Variants in NPAT observed in about 807,000 individuals in gnomAD.
The protein encoded by NPAT is protein NPAT.
NPAT carries 52 observed loss-of-function variants against 130.7 expected under a neutral mutation model. That is an observed-to-expected ratio of 0.40 (90% confidence interval 0.32 to 0.50). NPAT has a LOEUF of 0.50. Among genes scored for constraint, NPAT ranks in the 20% least tolerant of loss-of-function variants. The pLI is 0.68. For missense variants in NPAT, 1,687 were observed against 1,662.6 expected, an observed-to-expected ratio of 1.01 and a Z score of -0.26; for synonymous variants, 580 against 584.8, an observed-to-expected ratio of 0.99 and a Z score of 0.12.
intron 15 of NPAT, among the ~76,000 whole-genome samples, chr11:108,166,262 T>G (rs2077901925): frequency 6.6e-6 from 1 of 152,148 alleles, no homozygotes; most frequent in East Asian, 1.9e-4. Context: ...TGTTGTGGCA[T>G]GCACCTGTAA....
chr11:108,206,714 T>G (rs1591415011), intron 1 of NPAT, among the ~76,000 whole-genome samples: 1 of 152,210 alleles, frequency 6.6e-6, no homozygotes, highest in Non-Finnish European at 1.5e-5. Flanking sequence ...AGCCCTGTTT[T>G]ACAGATCTTT....
At chr11:108,213,187 C>T (rs994086708) in intron 1 of NPAT, among the ~76,000 whole-genome samples, 6 of 151,862 alleles carry the variant, frequency 4.0e-5, no homozygotes, top group East Asian at 3.9e-4. Context: ...GCAGGAGAAT[C>T]GCTTGAACCC....
At chr11:108,221,324 C>T (rs985458931) in intron 1 of NPAT, among the ~76,000 whole-genome samples, 1 of 152,176 alleles carries the variant, frequency 6.6e-6, no homozygotes, top group Non-Finnish European at 1.5e-5. Context: ...GTTAACAGTA[C>T]TGAGGCTGAG....
At chr11:108,187,839 G>A (rs1443340073) in intron 7 of NPAT, among the ~76,000 whole-genome samples, 5 of 152,030 alleles carry the variant, frequency 3.3e-5, no homozygotes, top group African/African-American at 1.2e-4. Context: ...TCATTTGTAA[G>A]ATATACCATT....
In NPAT at chr11:108,176,355, TTTA is replaced by T. The variant is rs752851665; in HGVS notation, c.1020_1022del (p.Asn340del). ...GACTGGAAATACTTTGTGATATATTTTTATTATTCTTTGTTTTGCCTGTTAAAA... is the reference window on the plus strand; with the variant it reads ...GACTGGAAATACTTTGTGATATATTTTTATTCTTTGTTTTGCCTGTTAAAA... On this transcript the variant is annotated inframe_deletion, in exon 12 of 18. Transcript: ENST00000278612. 1 of 1,551,196 alleles carries T rather than the reference TTTA, an allele frequency of 6.4e-7. No individual in the cohort carries two copies. The highest frequency in any genetic ancestry group is 2.3e-5 in the East Asian group (1 of 44,434).
rs1178477706 is a variant in NPAT, at chr11:108,158,980, C to T, written c.4246G>A (p.Val1416Ile). The T allele has an allele frequency of 6.2e-7, 1 of 1,608,528 alleles. No individual in the cohort carries two copies. The highest frequency in any genetic ancestry group is 8.5e-7 in the Non-Finnish European group (1 of 1,177,492). ...TGCAATGATAACAAAAATTTGTCTACATCCATTCCTGCTGGAAATGAACTG... is the reference window on the plus strand; with the variant it reads ...TGCAATGATAACAAAAATTTGTCTATATCCATTCCTGCTGGAAATGAACTG... ...LPSSFPAGMD[V>I]DKFLLSLHYD... Residue 1416 changes from valine (V) to isoleucine (I), a missense_variant, in exon 18 of 18, where the codon GTA becomes ATA. Val to Ile is a conservative substitution (Grantham distance 29). This residue lies in a region of NPAT where 1,379 missense variants were observed against 1,346.6 expected (regional missense o/e 1.02). Transcript: ENST00000278612.
At chr11:108,219,336 T>C (rs764917897) in intron 1 of NPAT, among the ~76,000 whole-genome samples, 10 of 152,224 alleles carry the variant, frequency 6.6e-5, no homozygotes, top group Admixed American at 3.9e-4. Context: ...CTCCTTATCC[T>C]TCTCATTAGC....
intron 3 of NPAT, among the ~76,000 whole-genome samples, chr11:108,193,560 T>C (rs1203930411): frequency 1.3e-5 from 2 of 152,088 alleles, no homozygotes; most frequent in Non-Finnish European, 2.9e-5. Flanking sequence ...ACCCTGGCTC[T>C]ACTAAAAATA....
intron 12 of NPAT, among the ~76,000 whole-genome samples, chr11:108,175,265 A>C (rs1479838667): frequency 6.6e-6 from 1 of 152,242 alleles, no homozygotes. Context: ...GGTATGCCTG[A>C]AAAGGAAAAA....
chr11:108,170,165 T>C, intron 13 of NPAT, 122 bp from the exon 14 acceptor site: 1 of 704,794 alleles, frequency 1.4e-6, no homozygotes, highest in Non-Finnish European at 2.5e-6. Flanking sequence ...TCCCTCTTCC[T>C]TACGATCCAC....
chr11:108,190,248 G>A (rs980652509), intron 5 of NPAT, among the ~76,000 whole-genome samples: 7 of 148,578 alleles, frequency 4.7e-5, no homozygotes, highest in African/African-American at 1.5e-4. Context: ...GGGAGGTGGA[G>A]GTTGCAGTGA....
In NPAT at chr11:108,172,321, A is replaced by C. The variant is rs748148349; in HGVS notation, c.2663T>G (p.Val888Gly). ...AGGTGCAGAATTTCCAGGCAACACC[A>C]CTACATTAGACTGACTTACAGATGT... The part of the protein sequence containing the change: ...LGTSVSQSNV[V>G]VLPGNSAPMT... Residue 888 changes from valine (V) to glycine (G), a missense_variant, in exon 13 of 18, where the codon GTG becomes GGG. By Grantham distance (109) the Val-to-Gly change is moderately radical. Transcript: ENST00000278612. 3.7e-6 allele frequency: 6 copies of C among 1,614,066 alleles called. No homozygotes were observed. The Admixed American group carries it at 5.0e-5, about 13-fold the overall frequency.
Position 108,170,026 on chromosome 11 carries a change from C to A in NPAT, c.2803G>T (p.Ala935Ser). 6.2e-7 allele frequency: 1 copy of A among 1,609,504 alleles called. No homozygotes were observed. Among genetic ancestry groups the A allele is most frequent in the Non-Finnish European group, 8.5e-7 (1 of 1,176,000 alleles). Residue 935 changes from alanine (A) to serine (S), a missense_variant, in exon 14 of 18, where the codon GCC becomes TCC. This residue lies in a region of NPAT where 1,379 missense variants were observed against 1,346.6 expected (regional missense o/e 1.02). Transcript: ENST00000278612. ...NFSQGSAIII[A>S]SPVQPVLQGM... ...TGGAGTACAGGCTGGACTGGAGAGGCAATTATTATGGCAGATCCTAAAAAA... is the reference window on the plus strand; with the variant it reads ...TGGAGTACAGGCTGGACTGGAGAGGAAATTATTATGGCAGATCCTAAAAAA...
At chr11:108,200,314 C>G (rs527338497) in intron 1 of NPAT, among the ~76,000 whole-genome samples, 2 of 152,266 alleles carry the variant, frequency 1.3e-5, no homozygotes, top group South Asian at 4.1e-4. Flanking sequence ...CTCAGGAAAG[C>G]CTTTAATCTG....
chr11:108,171,458 A>G (rs183854504), intron 13 of NPAT: 3 of 151,140 alleles, frequency 2.0e-5, no homozygotes, highest in Non-Finnish European at 4.4e-5. Flanking sequence ...GATCAATTAG[A>G]AAGGATTTTA....
chr11:108,210,355 C>T (rs532508512), intron 1 of NPAT, among the ~76,000 whole-genome samples: 1 of 152,122 alleles, frequency 6.6e-6, no homozygotes, highest in Admixed American at 6.5e-5. Flanking sequence ...ATTCCTCATG[C>T]CCTGGTGCTA....
chr11:108,221,437 T>C (rs144528314), intron 1 of NPAT, among the ~76,000 whole-genome samples: 2 of 152,236 alleles, frequency 1.3e-5, no homozygotes, highest in East Asian at 3.8e-4. Context: ...AACAAAACAT[T>C]AAACTTGTCA....
At chr11:108,169,878 C>A in intron 14 of NPAT, 26 bp from the exon 15 acceptor site, 1 of 1,609,790 alleles carries the variant, frequency 6.2e-7, no homozygotes, top group Non-Finnish European at 8.5e-7. Context: ...CCATTAATTA[C>A]ACTAAGCTTG....
chr11:108,177,770 G>A (rs1310739560), intron 10 of NPAT, among the ~76,000 whole-genome samples: 6 of 152,012 alleles, frequency 3.9e-5, no homozygotes, highest in Non-Finnish European at 8.8e-5. Context: ...AGCTGGAGTG[G>A]AATGCAGTGG....
Sources: allele counts gnomAD v4.1 joint callset (sites outside exome capture counted in the v4.1 genomes callset), GRCh38; gene constraint gnomAD v4.1.1; regional missense constraint gnomAD v4.1.1; transcripts MANE v1.5; gene names NCBI Gene and HGNC (gene_info 2026-07-23, HGNC 2026-07-21).